The following PKHD1L1 variants were observed in gnomAD, a reference collection of about 807,000 sequenced individuals.
PKHD1L1 encodes fibrocystin-L.
Under a neutral mutation model 462.9 loss-of-function variants are expected in PKHD1L1, and 434 were observed. The observed-to-expected ratio is 0.94, with a 90% CI of 0.87 to 1.02. PKHD1L1 has a LOEUF of 1.02. Among genes scored for constraint, PKHD1L1 ranks in the 50% least tolerant of loss-of-function variants. PKHD1L1 has a pLI of 0.00. For missense variants in PKHD1L1, 5,202 were observed against 5,096.1 expected (o/e 1.02, Z -0.63); for synonymous variants, 1,781 against 1,750.0 (o/e 1.02, Z -0.44).
At chr8:109,480,618 A>G in intron 55 of PKHD1L1, 1 of 455,556 alleles carries the variant, frequency 2.2e-6, no homozygotes, top group Non-Finnish European at 4.4e-6. Flanking sequence ...TGTAAACCCC[A>G]GATGGTCTTG....
intron 58 of PKHD1L1, among the ~76,000 whole-genome samples, 175 bp downstream of exon 58, chr8:109,485,348 C>G (rs929268231): frequency 1.3e-5 from 2 of 151,918 alleles, no homozygotes; most frequent in African/African-American, 4.8e-5. Flanking sequence ...TACCGATAGT[C>G]CCCGCTATGT....
chr8:109,500,563 A>G (rs1244028843), intron 67 of PKHD1L1, among the ~76,000 whole-genome samples: 3 of 147,988 alleles, frequency 2.0e-5, no homozygotes, highest in Non-Finnish European at 4.5e-5. Flanking sequence ...AATCCCAGCT[A>G]CTTGTAAGGC....
intron 1 of PKHD1L1, among the ~76,000 whole-genome samples, 196 bp downstream of exon 1, chr8:109,362,849 C>G (rs939192669): frequency 1.1e-4 from 17 of 152,088 alleles, no homozygotes; most frequent in African/African-American, 4.1e-4. Flanking sequence ...GAGAGAGAAA[C>G]AGAGACAAGG....
chr8:109,510,754 A>G (rs767067806), intron 70 of PKHD1L1, 23 bp from the exon 71 acceptor site: 15 of 1,605,250 alleles, frequency 9.3e-6, no homozygotes, highest in South Asian at 2.2e-5. Flanking sequence ...AGGAGTATGC[A>G]CTTTCATTTT....
In PKHD1L1 at chr8:109,464,736, CGGGATCT is replaced by C; in HGVS notation, c.7905_7911del (p.Gly2636ValfsTer37). ...TTTGAGGAATATTTCCCCATGCAAA[CGGGATCT>C]TGTACATCTACAGTGCCTGCACCTG... On this transcript the variant is annotated frameshift_variant, in exon 49 of 78. Coordinates refer to ENST00000378402, the MANE Select transcript of PKHD1L1 (RefSeq NM_177531.6). LOFTEE classifies it high-confidence loss of function. 1 of 1,613,790 alleles carries C rather than the reference CGGGATCT, an allele frequency of 6.2e-7. No homozygotes were observed. Among genetic ancestry groups the C allele is most frequent in the South Asian group, 1.1e-5 (1 of 91,070 alleles).
At chr8:109,444,559 A>C (rs1816006714) in intron 37 of PKHD1L1, 102 bp from the exon 38 acceptor site, 3 of 1,068,052 alleles carry the variant, frequency 2.8e-6, no homozygotes, top group Non-Finnish European at 4.1e-6. Flanking sequence ...ATTTATTTGC[A>C]CATGATTAAC....
intron 70 of PKHD1L1, 151 bp from the exon 71 acceptor site, chr8:109,510,626 T>G (rs1393992445): frequency 2.1e-6 from 2 of 961,204 alleles, no homozygotes; most frequent in East Asian, 5.9e-5. Flanking sequence ...CTTAGCTGGC[T>G]GGGTAACGGT....
At chr8:109,449,742 T>C (rs760138597) in intron 40 of PKHD1L1, among the ~76,000 whole-genome samples, 1 of 152,206 alleles carries the variant, frequency 6.6e-6, no homozygotes, top group Non-Finnish European at 1.5e-5. Context: ...CTTAGTTTAT[T>C]GTGCATACCA....
intron 32 of PKHD1L1, among the ~76,000 whole-genome samples, chr8:109,439,380 G>A (rs1278071274): frequency 1.3e-5 from 2 of 152,106 alleles, no homozygotes; most frequent in Non-Finnish European, 2.9e-5. Context: ...GTAACTTCTA[G>A]GGGCTCAGTG....
At chr8:109,474,837 C>T (rs1164799471) in intron 50 of PKHD1L1, among the ~76,000 whole-genome samples, 1 of 152,126 alleles carries the variant, frequency 6.6e-6, no homozygotes, top group Admixed American at 6.6e-5. Flanking sequence ...GGAATAAAGG[C>T]TCCATCTCAA....
chr8:109,412,532 C>A, intron 20 of PKHD1L1, 118 bp downstream of exon 20: 1 of 1,088,888 alleles, frequency 9.2e-7, no homozygotes, highest in Non-Finnish European at 1.3e-6. Context: ...CATATTGTAA[C>A]AGGCACCGAA....
Position 109,515,166 on chromosome 8 carries a change from A to T in PKHD1L1, c.11554-4A>T. The T allele has an allele frequency of 1.3e-6, 2 of 1,564,000 alleles. No homozygotes were observed. The highest frequency in any genetic ancestry group is 2.0e-5 in the Admixed American group (1 of 50,012). On this transcript the variant is annotated splice_polypyrimidine_tract_variant and splice_region_variant and intron_variant, in intron 71 of 77. Transcript: ENST00000378402. Reference sequence around the variant, plus strand: ...CTTTCTTAAAACTTTTTTTTCTTTAATAGGCTGTTCTAGTAGGAATTTTCT... The same window carrying T: ...CTTTCTTAAAACTTTTTTTTCTTTATTAGGCTGTTCTAGTAGGAATTTTCT...
chr8:109,450,785 A>ACGGG (rs1816443325), intron 40 of PKHD1L1, among the ~76,000 whole-genome samples, 190 bp from the exon 41 acceptor site: 1 of 152,214 alleles, frequency 6.6e-6, no homozygotes, highest in Non-Finnish European at 1.5e-5. Context: ...TCTGTCGATA[A>ACGGG]TGGGCATGAA....
intron 23 of PKHD1L1, 69 bp from the exon 24 acceptor site, chr8:109,425,016 G>C: frequency 7.8e-7 from 1 of 1,276,196 alleles, no homozygotes; most frequent in African/African-American, 1.5e-5. Context: ...ATTGTACCAT[G>C]ATGAAATAGA....
At chr8:109,528,026 G>C (rs766576934) in intron 77 of PKHD1L1, among the ~76,000 whole-genome samples, 1 of 152,136 alleles carries the variant, frequency 6.6e-6, no homozygotes, top group Admixed American at 6.5e-5. Context: ...GATAATAAAG[G>C]TGCTAGTACG....
intron 46 of PKHD1L1, among the ~76,000 whole-genome samples, chr8:109,459,290 A>G (rs1816983042): frequency 6.6e-6 from 1 of 152,152 alleles, no homozygotes; most frequent in Non-Finnish European, 1.5e-5. Context: ...CTCAATTGAG[A>G]ACCACTGAGT....
At chr8:109,471,029 A>G in intron 50 of PKHD1L1, 5 of 1,606,586 alleles carry the variant, frequency 3.1e-6, no homozygotes, top group East Asian at 4.5e-5. Context: ...ACTTAAGTCA[A>G]TACAGGCCAC....
intron 20 of PKHD1L1, among the ~76,000 whole-genome samples, chr8:109,412,923 A>G (rs1052763226): frequency 1.3e-5 from 2 of 152,094 alleles, no homozygotes; most frequent in African/African-American, 4.8e-5. Context: ...CCTAAAATTC[A>G]AAGTTCTTAA....
chr8:109,433,586 C>T (rs2130706005), intron 28 of PKHD1L1, among the ~76,000 whole-genome samples: 1 of 152,228 alleles, frequency 6.6e-6, no homozygotes, highest in South Asian at 2.1e-4. Context: ...TTGACAATGC[C>T]ATGCAGGAAG....
Sources: allele counts gnomAD v4.1 joint callset (sites outside exome capture counted in the v4.1 genomes callset), GRCh38; gene constraint gnomAD v4.1.1; transcripts MANE v1.5; gene names NCBI Gene and HGNC (gene_info 2026-07-23, HGNC 2026-07-21).